Variants in ADGRG7 observed in about 807,000 individuals in gnomAD.
ADGRG7 encodes G-protein coupled receptor 128.
A neutral mutation model predicts 88.6 loss-of-function variants in ADGRG7; 82 were observed. The observed-to-expected ratio is 0.93, with a 90% CI of 0.77 to 1.11. The LOEUF (loss-of-function observed/expected upper bound fraction) is 1.11, where lower values mean the gene tolerates loss of function less well. ADGRG7 is among the 50% of genes most tolerant of loss of function. The pLI is 0.00. For missense variants in ADGRG7, 945 were observed against 953.4 expected, an observed-to-expected ratio of 0.99 and a Z score of 0.12; for synonymous variants, 381 against 345.2, an observed-to-expected ratio of 1.10 and a Z score of -1.15.
Position 100,685,660 on chromosome 3 carries a change from T to A in ADGRG7, c.2137-9084T>A, listed in dbSNP as rs548658629. Among the ~76,000 whole-genome samples the A allele has an allele frequency of 2.5e-3, 376 of 152,246 alleles. 3 individuals are homozygous for A. Among genetic ancestry groups the A allele is most frequent in the African/African-American group, 8.6e-3 (357 of 41,520 alleles). ...TGTCCTTGCGATAGTTTGCTGAGAA[T>A]GATGGTTTCCAGCTTCATCCATGTC... is the stretch of plus-strand genomic sequence containing the variant. On this transcript the variant is annotated intron_variant, in intron 15 of 15. Coordinates refer to ENST00000273352, the MANE Select transcript of ADGRG7 (RefSeq NM_032787.3).
At chr3:100,637,519 CTCTGGA>C in intron 6 of ADGRG7, 117 bp downstream of exon 6, 1 of 706,818 alleles carries the variant, frequency 1.4e-6, no homozygotes, top group Non-Finnish European at 2.4e-6. Flanking sequence ...TGACTGATTC[CTCTGGA>C]ATGTAGATAA....
At chr3:100,651,483 T>A (rs1361207491) in intron 11 of ADGRG7, among the ~76,000 whole-genome samples, 1 of 152,072 alleles carries the variant, frequency 6.6e-6, no homozygotes, top group Non-Finnish European at 1.5e-5. Flanking sequence ...TTTTTCCTCT[T>A]TCATCAATAT....
Position 100,620,359 on chromosome 3 carries a change from C to A in ADGRG7, c.116-9239C>A, listed in dbSNP as rs955355629. Reference sequence around the variant, plus strand: ...AAAGGCCTTTGACAAAATTCAACAGCCCTTCATGCTAAAAACTCTCAATAA... The same window carrying A: ...AAAGGCCTTTGACAAAATTCAACAGACCTTCATGCTAAAAACTCTCAATAA... On this transcript the variant is annotated intron_variant, in intron 1 of 15. Transcript: ENST00000273352. 7.4e-4 allele frequency among the ~76,000 whole-genome samples: 112 copies of A among 152,258 alleles called. No individual in the cohort carries two copies. The Middle Eastern group carries it at 0.02, about 28-fold the overall frequency.
intron 15 of ADGRG7, among the ~76,000 whole-genome samples, chr3:100,686,101 T>C (rs998641651): frequency 6.6e-6 from 1 of 151,756 alleles, no homozygotes; most frequent in African/African-American, 2.4e-5. Flanking sequence ...ATTGTGGTTT[T>C]GATTTGCATT....
At chr3:100,617,278 G>C (rs763957605) in intron 1 of ADGRG7, among the ~76,000 whole-genome samples, 1 of 151,864 alleles carries the variant, frequency 6.6e-6, no homozygotes, top group Non-Finnish European at 1.5e-5. Flanking sequence ...ATGCAGATTA[G>C]TTACATATGC....
At chr3:100,691,107 C>T (rs2094992836) in intron 15 of ADGRG7, among the ~76,000 whole-genome samples, 1 of 152,348 alleles carries the variant, frequency 6.6e-6, no homozygotes, top group East Asian at 1.9e-4. Flanking sequence ...GCAGTTTGAT[C>T]TCAGACTGCT....
intron 3 of ADGRG7, 68 bp from the exon 4 acceptor site, chr3:100,633,197 G>T (rs1707479636): frequency 2.8e-6 from 2 of 704,270 alleles, no homozygotes; most frequent in Non-Finnish European, 4.1e-6. Flanking sequence ...ATTAGTTATT[G>T]CCTAAAAATA....
chr3:100,673,962 T>A (rs2149037059), intron 15 of ADGRG7, among the ~76,000 whole-genome samples: 1 of 152,336 alleles, frequency 6.6e-6, no homozygotes, highest in Non-Finnish European at 1.5e-5. Context: ...GTTTTTGTTC[T>A]TTTAATTTTG....
intron 3 of ADGRG7, among the ~76,000 whole-genome samples, chr3:100,632,824 T>C (rs1186264177): frequency 6.6e-6 from 1 of 152,196 alleles, no homozygotes; most frequent in African/African-American, 2.4e-5. Context: ...ATAAACCAAA[T>C]GACCCAGCAA....
chr3:100,653,993 A>G (rs1399073232), intron 11 of ADGRG7, among the ~76,000 whole-genome samples: 1 of 150,720 alleles, frequency 6.6e-6, no homozygotes, highest in Non-Finnish European at 1.5e-5. Context: ...GGTGTAAAGG[A>G]AAAAAAAGGG....
At chr3:100,680,682 G>A (rs2094972081) in intron 15 of ADGRG7, among the ~76,000 whole-genome samples, 1 of 152,056 alleles carries the variant, frequency 6.6e-6, no homozygotes, top group African/African-American at 2.4e-5. Flanking sequence ...TCAACTTGGA[G>A]CTAATATTTT....
chr3:100,677,026 G>GC (rs1559689621), intron 15 of ADGRG7, among the ~76,000 whole-genome samples: 1 of 151,914 alleles, frequency 6.6e-6, no homozygotes, highest in Non-Finnish European at 1.5e-5. Flanking sequence ...ATTGGGTCTT[G>GC]TTTTTTCCTT....
At chr3:100,649,609 T>G in intron 10 of ADGRG7, 86 bp from the exon 11 acceptor site, 1 of 672,736 alleles carries the variant, frequency 1.5e-6, no homozygotes, top group Non-Finnish European at 2.6e-6. Context: ...TCTGGTTATT[T>G]TGACCCATGT....
chr3:100,682,495 G>C (rs934504262), intron 15 of ADGRG7, among the ~76,000 whole-genome samples: 2 of 152,214 alleles, frequency 1.3e-5, no homozygotes, highest in Admixed American at 6.5e-5. Context: ...GTCACCTGAG[G>C]CTGCGTCCTC....
chr3:100,623,153 T>G (rs570285450), intron 1 of ADGRG7, among the ~76,000 whole-genome samples: 97 of 152,308 alleles, frequency 6.4e-4, no homozygotes, highest in African/African-American at 2.2e-3. Context: ...TTAGTGCTTT[T>G]GTGTCCTTTA....
At chr3:100,657,827 A>T (rs904284919) in intron 13 of ADGRG7, among the ~76,000 whole-genome samples, 1 of 152,190 alleles carries the variant, frequency 6.6e-6, no homozygotes, top group Non-Finnish European at 1.5e-5. Context: ...ATTATAGAGA[A>T]TGGAACATCA....
At chr3:100,622,994 C>T (rs9827049) in intron 1 of ADGRG7, among the ~76,000 whole-genome samples, 5 of 151,538 alleles carry the variant, frequency 3.3e-5, no homozygotes, top group South Asian at 4.2e-4. Context: ...AAACTCCTGA[C>T]GTCAGATAAT....
At chr3:100,666,041 C>G (rs1425000007) in intron 14 of ADGRG7, among the ~76,000 whole-genome samples, 1 of 151,294 alleles carries the variant, frequency 6.6e-6, no homozygotes, top group Admixed American at 6.6e-5. Context: ...TATTAATGAT[C>G]AAGGATGACT....
At chr3:100,628,642 C>T (rs983576106) in intron 1 of ADGRG7, among the ~76,000 whole-genome samples, 1 of 152,174 alleles carries the variant, frequency 6.6e-6, no homozygotes, top group Non-Finnish European at 1.5e-5. Context: ...AGGTGTGAGC[C>T]ACTGCACACA....
Sources: gnomAD v4.1 joint callset for allele counts (sites outside exome capture counted in the v4.1 genomes callset) on GRCh38, gnomAD v4.1.1 for gene constraint, MANE v1.5 for transcripts, NCBI Gene and HGNC (gene_info 2026-07-23, HGNC 2026-07-21) for gene names.